HPSE2: variants seen among roughly 807,000 people sequenced by gnomAD.
The protein encoded by HPSE2 is heparanase 2 (inactive).
In HPSE2, 38 loss-of-function variants were observed where a neutral mutation model predicts 60.5. That is an observed-to-expected ratio of 0.63 (90% CI 0.48 to 0.82). The LOEUF (loss-of-function observed/expected upper bound fraction) is 0.82, where lower values mean the gene tolerates loss of function less well. Ranked by LOEUF, HPSE2 falls within the 40% of genes least tolerant of loss-of-function variation. The pLI is 0.00. For synonymous variants in HPSE2, 295 were observed against 293.2 expected (o/e 1.01, Z -0.06); for missense variants, 713 against 740.4 (o/e 0.96, Z 0.43).
chr10:99,253,962 T>C, the HPSE2 span, among the ~76,000 whole-genome samples: 1 of 152,158 alleles, frequency 6.6e-6, no homozygotes, highest in Non-Finnish European at 1.5e-5. Context: ...GCCTGTACAC[T>C]GTTGGTGAGA....
intron 3 of HPSE2, among the ~76,000 whole-genome samples, chr10:98,775,369 T>C (rs992411674): frequency 3.3e-5 from 5 of 152,170 alleles, no homozygotes; most frequent in South Asian, 4.1e-4. Flanking sequence ...CACATCTCCA[T>C]TGGGAGAAAC....
chr10:99,107,131 A>G (rs773684526), intron 3 of HPSE2, among the ~76,000 whole-genome samples: 15 of 152,280 alleles, frequency 9.9e-5, no homozygotes, highest in South Asian at 4.2e-4. Context: ...TTGGCCTCCC[A>G]GAGTGCTGGG....
chr10:99,283,035 A>T, the HPSE2 span, among the ~76,000 whole-genome samples: 8 of 151,956 alleles, frequency 5.3e-5, no homozygotes, highest in South Asian at 4.2e-4. Flanking sequence ...ATACAAAAAA[A>T]ATTAGCTGGG....
chr10:98,797,345 T>G (rs1263627223), intron 3 of HPSE2, among the ~76,000 whole-genome samples: 1 of 152,182 alleles, frequency 6.6e-6, no homozygotes, highest in Non-Finnish European at 1.5e-5. Flanking sequence ...GCAATTGATA[T>G]GCTGAAAACT....
At chr10:98,623,998 C>T (rs1219596272) in intron 7 of HPSE2, among the ~76,000 whole-genome samples, 1 of 152,068 alleles carries the variant, frequency 6.6e-6, no homozygotes, top group African/African-American at 2.4e-5. Context: ...CTAAGGATTT[C>T]CCATCTAAAA....
At chr10:98,995,783 G>T (rs1956629727) in intron 3 of HPSE2, among the ~76,000 whole-genome samples, 1 of 151,802 alleles carries the variant, frequency 6.6e-6, no homozygotes, top group African/African-American at 2.4e-5. Flanking sequence ...CCTCAAAAAA[G>T]AATCAAAAGA....
the HPSE2 span, among the ~76,000 whole-genome samples, chr10:99,261,492 C>T: frequency 2.0e-5 from 3 of 152,278 alleles, no homozygotes; most frequent in South Asian, 4.1e-4. Flanking sequence ...AATCAGTTAG[C>T]GTTTAGGCTC....
chr10:98,851,571 C>T (rs1952174709), intron 3 of HPSE2, among the ~76,000 whole-genome samples: 1 of 152,208 alleles, frequency 6.6e-6, no homozygotes, highest in Non-Finnish European at 1.5e-5. Context: ...TAGTCCCTCC[C>T]TGGCTTTTCA....
intron 3 of HPSE2, among the ~76,000 whole-genome samples, chr10:99,112,764 G>A (rs916959737): frequency 6.6e-6 from 1 of 152,110 alleles, no homozygotes; most frequent in African/African-American, 2.4e-5. Context: ...TATAATAGCT[G>A]AAGCCATTAC....
At chr10:99,308,885 G>C in the HPSE2 span, among the ~76,000 whole-genome samples, 3 of 152,204 alleles carry the variant, frequency 2.0e-5, no homozygotes, top group African/African-American at 2.4e-5. Flanking sequence ...TGATGAGTCA[G>C]ATGATGCTGA....
In HPSE2 at chr10:98,641,939, A is replaced by G; in HGVS notation, c.1006T>C (p.Cys336Arg). ...STVDAVTWQHCYIDGRVVKVM... is the reference protein window; with the variant it reads ...STVDAVTWQHRYIDGRVVKVM... ...TTGACCACCCGGCCATCAATGTAGC[A>G]ACTGGAATAAAAATAAAATAAGAAT... is the stretch of plus-strand genomic sequence containing the variant. The change falls in exon 7 of 12, where the codon TGC becomes CGC. Residue 336 changes from cysteine (C) to arginine (R), a missense_variant and splice_region_variant. Coordinates refer to ENST00000370552, the MANE Select transcript of HPSE2 (RefSeq NM_021828.5). The G allele has an allele frequency of 6.2e-7, 1 of 1,611,032 alleles. No homozygotes were observed. Among genetic ancestry groups the G allele is most frequent in the South Asian group, 1.1e-5 (1 of 91,016 alleles).
intron 3 of HPSE2, among the ~76,000 whole-genome samples, chr10:98,885,262 T>C (rs1037103815): frequency 6.6e-6 from 1 of 152,164 alleles, no homozygotes; most frequent in Non-Finnish European, 1.5e-5. Flanking sequence ...GATGAAACTT[T>C]AATGGATGAA....
intron 5 of HPSE2, among the ~76,000 whole-genome samples, chr10:98,719,626 G>A (rs950306960): frequency 2.0e-5 from 3 of 148,800 alleles, no homozygotes; most frequent in African/African-American, 5.0e-5. Flanking sequence ...TTAGGCAGGC[G>A]CAGACCCTAA....
chr10:99,045,835 A>G (rs948042185), intron 3 of HPSE2, among the ~76,000 whole-genome samples: 3 of 152,172 alleles, frequency 2.0e-5, no homozygotes, highest in Non-Finnish European at 4.4e-5. Flanking sequence ...AAATTAAATC[A>G]GTAATTTAAA....
At chr10:99,282,490 G>A in the HPSE2 span, among the ~76,000 whole-genome samples, 1 of 152,034 alleles carries the variant, frequency 6.6e-6, no homozygotes, top group Non-Finnish European at 1.5e-5. Context: ...CGAGGACATA[G>A]AGGACTTCAA....
At chr10:98,727,481 T>G (rs1449882336) in intron 4 of HPSE2, among the ~76,000 whole-genome samples, 1 of 152,036 alleles carries the variant, frequency 6.6e-6, no homozygotes, top group Non-Finnish European at 1.5e-5. Context: ...TGAAACCCTG[T>G]CTCTACTAAA....
chr10:98,614,296 G>GTT lies in HPSE2; in HGVS notation c.1320+606_1320+607dup, dbSNP rs11428510. On this transcript the variant is annotated intron_variant, in intron 9 of 11. Coordinates refer to ENST00000370552, the MANE Select transcript of HPSE2 (RefSeq NM_021828.5). ...ATCTCAACTGCACAAGGATTGTTTT[G>GTT]TTTTTTTTTTTTTTGAGACGGAGTC... Among the ~76,000 whole-genome samples the GTT allele has an allele frequency of 3.7e-3, 531 of 144,840 alleles. 5 individuals carry two copies. Among genetic ancestry groups the GTT allele is most frequent in the Middle Eastern group, 7.2e-3 (2 of 276 alleles).
At chr10:99,117,087 C>CT (rs35466880) in intron 3 of HPSE2, among the ~76,000 whole-genome samples, 2 of 151,862 alleles carry the variant, frequency 1.3e-5, no homozygotes, top group Non-Finnish European at 1.5e-5. Context: ...CAGAGAATAC[C>CT]TTTTTTTGCA....
intron 3 of HPSE2, among the ~76,000 whole-genome samples, chr10:98,840,004 A>G (rs1109233): frequency 0.92 from 140,721 of 152,326 alleles, 65,252 homozygotes; most frequent in East Asian, 1. Flanking sequence ...CAATCATTTA[A>G]TTGGATTTTT....
Sources: allele counts gnomAD v4.1 joint callset (sites outside exome capture counted in the v4.1 genomes callset), GRCh38; gene constraint gnomAD v4.1.1; transcripts MANE v1.5; gene names NCBI Gene and HGNC (gene_info 2026-07-23, HGNC 2026-07-21).